DPP10: variants seen among roughly 807,000 people sequenced by gnomAD.
DPP10 encodes the protein inactive dipeptidyl peptidase 10.
A neutral mutation model predicts 120.9 loss-of-function variants in DPP10; 33 were observed. That is an observed-to-expected ratio of 0.27 (90% confidence interval 0.21 to 0.37). DPP10 has a LOEUF of 0.37. Ranked by LOEUF, DPP10 falls within the 10% of genes least tolerant of loss-of-function variation. The pLI is 1.00. For missense variants in DPP10, 816 were observed against 942.8 expected (o/e 0.87, Z 1.76); for synonymous variants, 337 against 326.1 (o/e 1.03, Z -0.36).
chr2:114,581,560 C>A (rs1289226833), intron 1 of DPP10, among the ~76,000 whole-genome samples: 37 of 152,276 alleles, frequency 2.4e-4, no homozygotes, highest in Non-Finnish European at 4.4e-5. Flanking sequence ...TTCTAACCTG[C>A]TGTGGAAGAA....
At chr2:114,967,610 A>G (rs1279702931) in intron 1 of DPP10, among the ~76,000 whole-genome samples, 2 of 152,144 alleles carry the variant, frequency 1.3e-5, no homozygotes, top group Non-Finnish European at 2.9e-5. Context: ...AAAATGAGAA[A>G]TGAATGGTGC....
At chr2:115,179,073 G>A (rs2053898328) in intron 1 of DPP10, among the ~76,000 whole-genome samples, 1 of 152,160 alleles carries the variant, frequency 6.6e-6, no homozygotes, top group African/African-American at 2.4e-5. Context: ...ACTCAAGTAT[G>A]TATCCCAGCT....
At chr2:114,786,547 T>C (rs1682785809) in intron 1 of DPP10, among the ~76,000 whole-genome samples, 1 of 152,174 alleles carries the variant, frequency 6.6e-6, no homozygotes, top group Admixed American at 6.5e-5. Context: ...ATATCCACAA[T>C]TCTACGATCC....
intron 1 of DPP10, among the ~76,000 whole-genome samples, chr2:115,011,945 G>T (rs959371300): frequency 6.6e-6 from 1 of 152,044 alleles, no homozygotes; most frequent in African/African-American, 2.4e-5. Flanking sequence ...GTGGGGTCAC[G>T]GTGGGAGTGA....
chr2:114,596,817 G>A (rs1691948485), intron 1 of DPP10, among the ~76,000 whole-genome samples: 2 of 151,886 alleles, frequency 1.3e-5, no homozygotes, highest in East Asian at 3.9e-4. Context: ...ACCAATCTGG[G>A]CCTTTTAACT....
intron 1 of DPP10, among the ~76,000 whole-genome samples, chr2:115,304,810 T>C (rs1574359384): frequency 6.6e-6 from 1 of 152,054 alleles, no homozygotes; most frequent in East Asian, 1.9e-4. Context: ...TTCCTACTTA[T>C]TATTCCCAGC....
intron 5 of DPP10, among the ~76,000 whole-genome samples, chr2:115,592,217 T>A (rs2082704648): frequency 6.6e-6 from 1 of 152,120 alleles, no homozygotes; most frequent in South Asian, 2.1e-4. Flanking sequence ...TAATATCATC[T>A]TAGTTGATAG....
rs1452582136 is a variant in DPP10 at position 115,525,901 on chromosome 2, AC to A, written c.372del (p.Phe125SerfsTer12). 6.3e-7 allele frequency: 1 copy of A among 1,595,034 alleles called. No individual in the cohort carries two copies. The highest frequency in any genetic ancestry group is 8.5e-7 in the Non-Finnish European group (1 of 1,174,610). ...TGGTTTTTTTTTCTTTTTCTAGGTA[AC>A]CTTCAAAGCATCAAGACATTCAGTT... ...TLLLENTTFV[T>X]FKASRHSVSP... On this transcript the variant is annotated frameshift_variant, in exon 5 of 26. Coordinates refer to ENST00000410059, the MANE Select transcript of DPP10 (RefSeq NM_020868.6). LOFTEE classifies it high-confidence loss of function.
intron 3 of DPP10, among the ~76,000 whole-genome samples, chr2:115,491,837 T>G (rs2076141995): frequency 6.6e-6 from 1 of 152,116 alleles, no homozygotes; most frequent in Non-Finnish European, 1.5e-5. Flanking sequence ...TTAACACAAT[T>G]TTTGCTAAAG....
intron 1 of DPP10, among the ~76,000 whole-genome samples, chr2:115,151,354 C>G (rs950773228): frequency 1.3e-5 from 2 of 151,220 alleles, no homozygotes; most frequent in African/African-American, 4.9e-5. Flanking sequence ...ATCAGTTACA[C>G]TATGAGATTT....
At chr2:114,490,597 G>A (rs138267791) in intron 1 of DPP10, among the ~76,000 whole-genome samples, 49 of 152,292 alleles carry the variant, frequency 3.2e-4, no homozygotes, top group Non-Finnish European at 5.3e-4. Context: ...TTGTGGAGGA[G>A]GCAAGATTTG....
At chr2:115,761,872 A>G (rs1464840273) in intron 11 of DPP10, among the ~76,000 whole-genome samples, 1 of 152,150 alleles carries the variant, frequency 6.6e-6, no homozygotes, top group African/African-American at 2.4e-5. Flanking sequence ...CTTAATTTGA[A>G]TACGTTTATT....
At chr2:115,248,855 CAT>C (rs1053643232) in intron 1 of DPP10, among the ~76,000 whole-genome samples, 8 of 152,040 alleles carry the variant, frequency 5.3e-5, no homozygotes, top group East Asian at 1.9e-4. Flanking sequence ...AAATCAAAGA[CAT>C]GTGATTACAT....
At chr2:114,716,804 A>G (rs911781206) in intron 1 of DPP10, among the ~76,000 whole-genome samples, 3 of 152,234 alleles carry the variant, frequency 2.0e-5, no homozygotes, top group Non-Finnish European at 4.4e-5. Flanking sequence ...TCTAAAAATC[A>G]TAGTATTTTA....
At chr2:114,447,285 G>A (rs916161134) in intron 1 of DPP10, among the ~76,000 whole-genome samples, 1 of 152,004 alleles carries the variant, frequency 6.6e-6, no homozygotes, top group Non-Finnish European at 1.5e-5. Context: ...ATGAGCCACC[G>A]CGCCCGGCCC....
At chr2:114,495,281 A>G (rs1424511829) in intron 1 of DPP10, among the ~76,000 whole-genome samples, 1 of 152,194 alleles carries the variant, frequency 6.6e-6, no homozygotes, top group Non-Finnish European at 1.5e-5. Context: ...TTCAAAGTCC[A>G]TTAATTCAGA....
intron 1 of DPP10, among the ~76,000 whole-genome samples, chr2:114,905,282 T>C (rs2106634904): frequency 6.6e-6 from 1 of 152,206 alleles, no homozygotes; most frequent in African/African-American, 2.4e-5. Flanking sequence ...GGGTATTACA[T>C]TTTTAACAAT....
At chr2:114,729,886 T>G (rs1457301416) in intron 1 of DPP10, among the ~76,000 whole-genome samples, 1 of 152,068 alleles carries the variant, frequency 6.6e-6, no homozygotes, top group East Asian at 1.9e-4. Context: ...AGTAATTCCT[T>G]AAAAATGGAC....
chr2:115,158,981 GTT>G (rs201249344), intron 1 of DPP10, among the ~76,000 whole-genome samples: 1,705 of 145,200 alleles, frequency 0.012, 24 homozygotes, highest in African/African-American at 0.03. Flanking sequence ...TATCTATTGA[GTT>G]TTTTTTTTTT....
Sources: gnomAD v4.1 joint callset for allele counts (sites outside exome capture counted in the v4.1 genomes callset) on GRCh38, gnomAD v4.1.1 for gene constraint, MANE v1.5 for transcripts, NCBI Gene and HGNC (gene_info 2026-07-23, HGNC 2026-07-21) for gene names.